GPR137: variants seen among roughly 807,000 people sequenced by gnomAD.
GPR137 encodes G protein-coupled receptor 137.
Under a neutral mutation model 38.9 loss-of-function variants are expected in GPR137, and 20 were observed. The observed-to-expected ratio is 0.51, with a 90% CI of 0.36 to 0.75. The LOEUF is 0.75. Ranked by LOEUF, GPR137 falls within the 30% of genes least tolerant of loss-of-function variation. The pLI is 0.00. For synonymous variants in GPR137, 226 were observed against 235.8 expected, an observed-to-expected ratio of 0.96 and a Z score of 0.38; for missense variants, 456 against 526.4, an observed-to-expected ratio of 0.87 and a Z score of 1.31.
intron 2 of GPR137, chr11:64,287,273 G>T: frequency 1.0e-6 from 1 of 985,410 alleles, no homozygotes; most frequent in Non-Finnish European, 1.2e-6. Context: ...GCGAGCTGGA[G>T]GCTCCAGCCC....
rs1178266285 is a variant in GPR137, at chr11:64,288,209, G to A, written c.778G>A (p.Asp260Asn). ...CGATTACGACTGGTACAATGTGTCTGACCAGGTGGGCATACGCATGTCTGC... is the reference window on the plus strand; with the variant it reads ...CGATTACGACTGGTACAATGTGTCTAACCAGGTGGGCATACGCATGTCTGC... ...TFDYDWYNVS[D>N]QADLVNDLGN... Residue 260 changes from aspartate (D) to asparagine (N), a missense_variant, in exon 4 of 7, where the codon GAC (aspartate) becomes AAC (asparagine). By Grantham distance (23) the Asp-to-Asn change is conservative (BLOSUM62 1). Transcript: ENST00000438980. This position sits in a 1 kb window ranked among gnomAD's most constrained non-coding sequence, Gnocchi z 5.5. The A allele has an allele frequency of 3.4e-5, 55 of 1,612,352 alleles. No homozygotes were observed. Among genetic ancestry groups the A allele is most frequent in the Non-Finnish European group, 4.3e-5 (51 of 1,179,484 alleles).
upstream of GPR137, among the ~76,000 whole-genome samples, chr11:64,275,107 G>T (rs560552018): frequency 6.6e-6 from 1 of 150,746 alleles, no homozygotes; most frequent in Non-Finnish European, 1.5e-5. Flanking sequence ...CATCACCAAA[G>T]CCCAGAGCTG....
chr11:64,287,500 G>C (rs990172131), intron 2 of GPR137: 6 of 626,382 alleles, frequency 9.6e-6, no homozygotes, highest in Non-Finnish European at 1.2e-5. Context: ...GGCTCAGACA[G>C]AGACTTCTGA....
At chr11:64,271,493 C>A (rs2032603064), upstream of GPR137, 2 of 1,052,222 alleles carry the variant, frequency 1.9e-6, no homozygotes. Context: ...AGGAACAGGA[C>A]GGCTTTGGGG....
chr11:64,287,481 C>T, intron 2 of GPR137: 1 of 590,808 alleles, frequency 1.7e-6, no homozygotes, highest in Non-Finnish European at 2.1e-6. Flanking sequence ...ATCAAGGTCG[C>T]AGAGCTGGGG....
rs887991649 is a variant in GPR137, at chr11:64,286,214, C to T, written c.-311C>T. On this transcript the variant is annotated 5_prime_UTR_variant, in exon 1 of 7. Coordinates refer to ENST00000438980, the MANE Select transcript of GPR137 (RefSeq NM_001170880.2). ...GAGTCCTCTCCTTGGGCCTCTGCAT[C>T]CCCCCATCCTTGGCTCTGGGGTAGG... 8.6e-7 allele frequency: 1 copy of T among 1,165,702 alleles called. No individual in the cohort carries two copies. The highest frequency in any genetic ancestry group is 1.1e-6 in the Non-Finnish European group (1 of 942,704). The allele number at this position is 1,165,702 out of a possible 1,614,324, so 72.2% of individuals were successfully genotyped here. A position where few individuals can be genotyped will look rare whatever the true frequency, so the allele number is the denominator to read the frequency against.
At position 64,287,776 on chromosome 11, in the gene GPR137, G is replaced by A. The variant is rs1381321596; in HGVS notation, c.463G>A (p.Val155Met). ...CTCGCTGCTCTTTCTGCTGGTGAAC[G>A]TGCTGTGTGCTGTGCTCTCCCATCG... Reference protein sequence around the residue: ...GASLLFLLVNVLCAVLSHRRR... With the variant: ...GASLLFLLVNMLCAVLSHRRR... The change falls in exon 3 of 7, where the codon GTG becomes ATG. Residue 155 changes from valine to methionine, a missense_variant. Transcript: ENST00000438980. 16 of 1,607,262 alleles carry A rather than the reference G, an allele frequency of 1.0e-5. No individual in the cohort carries two copies. In the Admixed American group the frequency reaches 1.8e-4, roughly 18 times the overall value.
At chr11:64,284,798 C>A (rs1164633926), upstream of GPR137, 1 of 1,530,082 alleles carries the variant, frequency 6.5e-7, no homozygotes, top group South Asian at 1.2e-5. Context: ...CGGCCCGGCC[C>A]CGCCCCCCCG....
upstream of GPR137, among the ~76,000 whole-genome samples, chr11:64,280,528 T>A (rs1397301880): frequency 1.3e-5 from 2 of 148,508 alleles, no homozygotes; most frequent in African/African-American, 4.9e-5. Context: ...ATTTTTTGTA[T>A]TTTTAGTAGA....
chr11:64,289,271 C>G lies in GPR137; in HGVS notation c.*75C>G, dbSNP rs762705422. 1.9e-6 allele frequency: 3 copies of G among 1,613,488 alleles called. No individual in the cohort carries two copies. In the East Asian group the frequency reaches 6.7e-5, roughly 36 times the overall value. The stretch of plus-strand genomic sequence containing the variant: ...AGGCCCCTGTGCCAAGTTTGTCTGC[C>G]GCTTCTTGCCCAGGATCCTGGGGGT... On this transcript the variant is annotated 3_prime_UTR_variant, in exon 7 of 7. Transcript: ENST00000438980.
chr11:64,280,153 TAA>T (rs1349176692), upstream of GPR137, among the ~76,000 whole-genome samples: 3 of 150,696 alleles, frequency 2.0e-5, no homozygotes, highest in East Asian at 4.1e-4. Flanking sequence ...CCATCTCTAC[TAA>T]AAACACACAA....
chr11:64,288,547 G>C lies in GPR137; in HGVS notation c.913-56G>C. 6.2e-7 allele frequency: 1 copy of C among 1,613,124 alleles called. No homozygotes were observed. The highest frequency in any genetic ancestry group is 1.7e-5 in the Admixed American group (1 of 60,012). ...ATCCTGGGTTGGAGTCTGGGGTTGG[G>C]CCTGGGAGGCCAGTGCAGGACAGGA... On this transcript the variant is annotated intron_variant, in intron 5 of 6. Transcript: ENST00000438980. The surrounding 1 kb of genome is among the most constrained non-coding windows in gnomAD (Gnocchi z 5.5).
At chr11:64,272,705 G>A (rs2032730361), upstream of GPR137, 1 of 152,304 alleles carries the variant, frequency 6.6e-6, no homozygotes. Flanking sequence ...GAAGCTTAGA[G>A]AGTTAAGACT....
intron 2 of GPR137, chr11:64,276,860 G>C: frequency 1.3e-6 from 1 of 742,302 alleles, no homozygotes; most frequent in Non-Finnish European, 2.5e-6. Context: ...GGAAGTGGAG[G>C]GTAGTGGCTG....
chr11:64,286,644 C>T lies in GPR137; in HGVS notation c.120C>T (p.Ser40=), dbSNP rs150427005. ...YTTLYALLFF[S]VYAQLWLVLL... is the part of the protein sequence containing the mutation. ...CCCTGTATGCCCTGCTCTTCTTCTC[C>T]GTCTATGCCCAGCTCTGGCTGGTGC... The change falls in exon 1 of 7, where the codon TCC becomes TCT. Residue 40 remains serine, a synonymous_variant. Transcript: ENST00000438980. 9.9e-6 allele frequency: 16 copies of T among 1,614,078 alleles called. No homozygotes were observed. The highest frequency in any genetic ancestry group is 1.7e-5 in the Admixed American group (1 of 60,024).
At chr11:64,272,234 G>T (rs951645112), upstream of GPR137, among the ~76,000 whole-genome samples, 3 of 151,798 alleles carry the variant, frequency 2.0e-5, no homozygotes, top group Non-Finnish European at 2.9e-5. Flanking sequence ...CAGAAGAATC[G>T]TTTGAACCCA....
intron 2 of GPR137, among the ~76,000 whole-genome samples, chr11:64,279,253 C>A (rs546275915): frequency 1.3e-5 from 2 of 151,980 alleles, no homozygotes; most frequent in African/African-American, 4.8e-5. Flanking sequence ...GTGGATCATG[C>A]CCCCGGGACC....
intron 2 of GPR137, chr11:64,287,242 C>T: frequency 5.1e-6 from 5 of 985,366 alleles, no homozygotes; most frequent in Non-Finnish European, 6.0e-6. Context: ...GAGAGGGCCC[C>T]AGTGTCATCC....
In GPR137 at chr11:64,286,472, C is replaced by G; in HGVS notation, c.-53C>G. 1 of 1,561,214 alleles carries G rather than the reference C, an allele frequency of 6.4e-7. No homozygotes were observed. The highest frequency in any genetic ancestry group is 8.7e-7 in the Non-Finnish European group (1 of 1,151,432). ...CCCCTCCGTATTTATTTCCCTGGTC[C>G]CGCCGACAGTCCCTCCTTGTCTGTC... is the stretch of plus-strand genomic sequence containing the variant. On this transcript the variant is annotated 5_prime_UTR_variant, in exon 1 of 7. Transcript: ENST00000438980.
Sources: allele counts gnomAD v4.1 joint callset (sites outside exome capture counted in the v4.1 genomes callset), GRCh38; gene constraint gnomAD v4.1.1; non-coding constraint Gnocchi (gnomAD v3.1); transcripts MANE v1.5; gene names NCBI Gene and HGNC (gene_info 2026-07-23, HGNC 2026-07-21).